The following PDE1A variants were observed in gnomAD, a reference collection of about 807,000 sequenced individuals.
PDE1A encodes phosphodiesterase 1A.
PDE1A carries 35 observed loss-of-function variants against 61.7 expected under a neutral mutation model. The observed-to-expected ratio is 0.57, with a 90% CI of 0.43 to 0.75. The LOEUF (loss-of-function observed/expected upper bound fraction) is 0.75. Among genes scored for constraint, PDE1A ranks in the 30% least tolerant of loss-of-function variants. The probability of loss-of-function intolerance (pLI) is 0.00; values close to 1 mark genes in which losing one functional copy is unlikely to be tolerated. For synonymous variants in PDE1A, 232 were observed against 213.2 expected, an observed-to-expected ratio of 1.09 and a Z score of -0.77; for missense variants, 597 against 630.6, an observed-to-expected ratio of 0.95 and a Z score of 0.57.
the PDE1A span, among the ~76,000 whole-genome samples, chr2:182,699,051 T>G: frequency 2.6e-5 from 4 of 152,224 alleles, no homozygotes; most frequent in African/African-American, 4.8e-5. Context: ...TTCACGTCTA[T>G]CCCTGAGGTA....
the PDE1A span, among the ~76,000 whole-genome samples, chr2:182,573,441 T>C: frequency 6.6e-6 from 1 of 152,114 alleles, no homozygotes; most frequent in Non-Finnish European, 1.5e-5. Flanking sequence ...ACAGCTATAC[T>C]AGTCTCTTCA....
chr2:182,177,441 C>A (rs1684360421), intron 13 of PDE1A, among the ~76,000 whole-genome samples: 1 of 151,934 alleles, frequency 6.6e-6, no homozygotes, highest in African/African-American at 2.4e-5. Context: ...AGGAATTTAT[C>A]CATTTCTTCT....
intron 11 of PDE1A, 32 bp from the exon 12 acceptor site, chr2:182,186,620 T>G (rs371408056): frequency 1.1e-4 from 167 of 1,559,212 alleles, no homozygotes; most frequent in Middle Eastern, 3.4e-4. Flanking sequence ...GAGAGAGAGA[T>G]AAATTCAAGT....
At chr2:182,394,254 A>G (rs1232694654) in intron 1 of PDE1A, among the ~76,000 whole-genome samples, 1 of 152,222 alleles carries the variant, frequency 6.6e-6, no homozygotes, top group Non-Finnish European at 1.5e-5. Flanking sequence ...GGGCCTCACA[A>G]TCACGGCAGG....
At chr2:182,227,068 G>C (rs1689199205) in intron 6 of PDE1A, among the ~76,000 whole-genome samples, 1 of 151,938 alleles carries the variant, frequency 6.6e-6, no homozygotes, top group Non-Finnish European at 1.5e-5. Context: ...TACGTATCTA[G>C]CGGCAGAGCA....
intron 1 of PDE1A, among the ~76,000 whole-genome samples, chr2:182,397,184 A>G (rs540405540): frequency 6.6e-6 from 1 of 152,296 alleles, no homozygotes; most frequent in East Asian, 1.9e-4. Flanking sequence ...ACATTTTGAG[A>G]GGCAGCAAAC....
intron 13 of PDE1A, among the ~76,000 whole-genome samples, chr2:182,157,325 A>C (rs1691147177): frequency 1.3e-5 from 2 of 152,058 alleles, no homozygotes; most frequent in East Asian, 3.9e-4. Flanking sequence ...TATTTTGATG[A>C]ATTGTGACTC....
chr2:182,201,914 C>G, intron 8 of PDE1A, 125 bp from the exon 9 acceptor site: 1 of 632,662 alleles, frequency 1.6e-6, no homozygotes, highest in Non-Finnish European at 2.8e-6. Flanking sequence ...AAAGATGCTA[C>G]TTTTTAAATG....
chr2:182,505,235 T>A (rs1689330185), intron 2 of PDE1A, among the ~76,000 whole-genome samples: 2 of 152,208 alleles, frequency 1.3e-5, no homozygotes, highest in African/African-American at 4.8e-5. Context: ...AAATTTCAGT[T>A]TTCCTGGTAT....
rs1252231293 is a variant in PDE1A at position 182,188,967 on chromosome 2, C to T, written c.1207+12G>A. ...ACACTCACTTTCCACCACCACAAAT[C>T]ATCAGAATTACCTATTTGTGACTGG... On this transcript the variant is annotated intron_variant, in intron 11 of 13. Coordinates refer to ENST00000351439, the Ensembl canonical transcript of PDE1A. The T allele has an allele frequency of 1.3e-6, 2 of 1,580,234 alleles. No homozygotes were observed. Among genetic ancestry groups the T allele is most frequent in the Non-Finnish European group, 1.7e-6 (2 of 1,150,224 alleles).
chr2:182,476,646 A>G (rs1037197196), intron 2 of PDE1A, among the ~76,000 whole-genome samples: 1 of 151,966 alleles, frequency 6.6e-6, no homozygotes, highest in Non-Finnish European at 1.5e-5. Context: ...ATTAATGTGG[A>G]ATGTTGCAGG....
intron 7 of PDE1A, 138 bp downstream of exon 7, chr2:182,223,726 T>A: frequency 1.9e-6 from 1 of 529,246 alleles, no homozygotes; most frequent in Non-Finnish European, 3.3e-6. Flanking sequence ...TGTTAGCAGC[T>A]TAAGAAATTT....
intron 2 of PDE1A, among the ~76,000 whole-genome samples, chr2:182,447,514 A>T (rs887795930): frequency 1.2e-4 from 18 of 152,040 alleles, no homozygotes; most frequent in African/African-American, 4.3e-4. Flanking sequence ...GACCACCAAC[A>T]AGTAAAGGTC....
chr2:182,627,943 CAA>C, the PDE1A span, among the ~76,000 whole-genome samples: 1 of 124,354 alleles, frequency 8.0e-6, no homozygotes, highest in Non-Finnish European at 1.7e-5. Flanking sequence ...GACTCCATCT[CAA>C]AAAAAAAAAA....
At chr2:182,626,718 T>C in the PDE1A span, among the ~76,000 whole-genome samples, 1 of 10,628 alleles carries the variant, frequency 9.4e-5, no homozygotes, top group African/African-American at 1.5e-4. Context: ...CAAATGGCTT[T>C]ATATATATAT....
chr2:182,495,433 G>A (rs1688654652), intron 2 of PDE1A, among the ~76,000 whole-genome samples: 2 of 152,096 alleles, frequency 1.3e-5, no homozygotes, highest in Middle Eastern at 3.4e-3. Context: ...AAATTTTCTT[G>A]GCCTTCAGTG....
At chr2:182,661,510 C>T in the PDE1A span, among the ~76,000 whole-genome samples, 1 of 152,104 alleles carries the variant, frequency 6.6e-6, no homozygotes, top group East Asian at 1.9e-4. Flanking sequence ...CCATTAAAAG[C>T]AGAAACAGAG....
chr2:182,183,775 T>G (rs921803894), intron 13 of PDE1A, among the ~76,000 whole-genome samples: 1 of 151,316 alleles, frequency 6.6e-6, no homozygotes, highest in Non-Finnish European at 1.5e-5. Flanking sequence ...ATGCTAACAA[T>G]GAATGAAAAT....
At chr2:182,198,298 G>A (rs539294742) in intron 10 of PDE1A, among the ~76,000 whole-genome samples, 61 of 150,826 alleles carry the variant, frequency 4.0e-4, no homozygotes, top group African/African-American at 1.4e-3. Flanking sequence ...TTTCTATGCA[G>A]ATGCTCATGT....
Sources: gnomAD v4.1 joint callset for allele counts (sites outside exome capture counted in the v4.1 genomes callset) on GRCh38, gnomAD v4.1.1 for gene constraint, MANE v1.5 for transcripts, NCBI Gene and HGNC (gene_info 2026-07-23, HGNC 2026-07-21) for gene names.